Variants in DNAJB13 observed in about 807,000 individuals in gnomAD.
The protein encoded by DNAJB13 is DnaJ heat shock protein family (Hsp40) member B13.
DNAJB13 carries 22 observed loss-of-function variants against 35.6 expected under a neutral mutation model. The observed-to-expected ratio is 0.62, with a 90% CI of 0.44 to 0.88. The LOEUF (loss-of-function observed/expected upper bound fraction) is 0.88, where lower values mean the gene tolerates loss of function less well. DNAJB13 is among the 40% of genes least tolerant of loss of function. The pLI is 0.00. For missense variants in DNAJB13, 370 were observed against 384.3 expected, an observed-to-expected ratio of 0.96 and a Z score of 0.31; for synonymous variants, 136 against 144.2, an observed-to-expected ratio of 0.94 and a Z score of 0.41.
At chr11:73,955,133 A>G (rs953845158) in intron 1 of DNAJB13, among the ~76,000 whole-genome samples, 3 of 151,940 alleles carry the variant, frequency 2.0e-5, no homozygotes, top group African/African-American at 7.2e-5. Context: ...AGGAAGAAAA[A>G]CATCATGATA....
chr11:73,958,719 G>A (rs1950833401), intron 2 of DNAJB13, among the ~76,000 whole-genome samples: 1 of 152,180 alleles, frequency 6.6e-6, no homozygotes, highest in Admixed American at 6.5e-5. Context: ...ACCTTCCCCG[G>A]GAGAAACAGA....
chr11:73,967,625 G>C (rs1267886622), intron 5 of DNAJB13, among the ~76,000 whole-genome samples: 1 of 152,058 alleles, frequency 6.6e-6, no homozygotes, highest in Non-Finnish European at 1.5e-5. Context: ...TGTGCCTGTG[G>C]TCCCAGATAC....
chr11:73,968,822 C>T (rs1056149714), intron 6 of DNAJB13, among the ~76,000 whole-genome samples: 7 of 152,158 alleles, frequency 4.6e-5, no homozygotes, highest in African/African-American at 1.7e-4. Flanking sequence ...CGCCCCTTCG[C>T]CGCATAGCAC....
intron 4 of DNAJB13, 40 bp downstream of exon 4, chr11:73,965,075 C>G: frequency 6.5e-7 from 1 of 1,527,060 alleles, no homozygotes; most frequent in Non-Finnish European, 8.8e-7. Context: ...CCACCTATCT[C>G]CTGCAGCCTA....
At position 73,965,779 on chromosome 11, in the gene DNAJB13, G is replaced by A. The variant is rs146378621; in HGVS notation, c.493-359G>A. On this transcript the variant is annotated intron_variant, in intron 4 of 7. Transcript: ENST00000339764. ...TCTGGGATTTGGAGAGAGGAATGGAGTACATTTTCACCATGTATCTGTTAG... is the reference window on the plus strand; with the variant it reads ...TCTGGGATTTGGAGAGAGGAATGGAATACATTTTCACCATGTATCTGTTAG... 3.0e-4 allele frequency: 65 copies of A among 216,522 alleles called. 1 individual carries two copies. In the East Asian group the frequency reaches 7.0e-3, roughly 23 times the overall value. 13.4% of individuals were successfully genotyped at this position (216,522 alleles called of 1,614,324 possible). A position where few individuals can be genotyped will look rare whatever the true frequency, so the allele number is the denominator to read the frequency against.
chr11:73,953,177 G>T (rs1950628280), intron 1 of DNAJB13, among the ~76,000 whole-genome samples: 1 of 152,162 alleles, frequency 6.6e-6, no homozygotes, highest in Non-Finnish European at 1.5e-5. Context: ...ATTGAGCTAT[G>T]ATTGCACCAC....
rs756043336 is a variant in DNAJB13, at chr11:73,959,617, T to A, written c.296T>A (p.Val99Glu). 5.5e-5 allele frequency: 89 copies of A among 1,614,058 alleles called. No homozygotes were observed. The highest frequency in any genetic ancestry group is 4.9e-4 in the South Asian group (45 of 91,074). ...GYVFHGKPEK[V>E]FHEFFGGNNP... ...GTCTTCCATGGCAAACCTGAAAAGGTGTTCCACGAGTTCTTTGGTGGAAAC... is the reference window on the plus strand; with the variant it reads ...GTCTTCCATGGCAAACCTGAAAAGGAGTTCCACGAGTTCTTTGGTGGAAAC... The change falls in exon 3 of 8, where the codon GTG becomes GAG. Residue 99 changes from valine (V) to glutamate (E), a missense_variant. Coordinates refer to ENST00000339764, the MANE Select transcript of DNAJB13 (RefSeq NM_153614.4).
chr11:73,963,761 C>T (rs1348032114), intron 3 of DNAJB13: 1 of 152,224 alleles, frequency 6.6e-6, no homozygotes, highest in African/African-American at 2.4e-5. Context: ...TGCCTAAGGT[C>T]ATTTCACCAT....
intron 5 of DNAJB13, 36 bp downstream of exon 5, chr11:73,966,287 G>A: frequency 1.3e-6 from 2 of 1,580,966 alleles, no homozygotes; most frequent in South Asian, 2.3e-5. Context: ...GTCAGTCACT[G>A]AGCTCAGGCG....
rs1951232537 is a variant in DNAJB13, at chr11:73,969,905, T to A, written c.798-56T>A. ...GAGTAGGGGTTATATGACAGGGACC[T>A]GCTGAGGTGCTGCTCTGGGATGCCC... On this transcript the variant is annotated intron_variant, in intron 7 of 7. Transcript: ENST00000339764. 4 of 1,552,658 alleles carry A rather than the reference T, an allele frequency of 2.6e-6. No homozygotes were observed. The East Asian group carries it at 6.8e-5, about 26-fold the overall frequency.
At position 73,964,765 on chromosome 11, in the gene DNAJB13, C is replaced by CTGTG. The variant is rs3222042; in HGVS notation, c.335-68_335-65dup. On this transcript the variant is annotated intron_variant, in intron 3 of 7. Coordinates refer to ENST00000339764, the MANE Select transcript of DNAJB13 (RefSeq NM_153614.4). ...TGGGGAGCATATCTGGATAGGGAGG[C>CTGTG]TGTGTGTGTGTGTGTGTGTGTGTGT... The CTGTG allele has an allele frequency of 6.6e-3, 4,366 of 657,986 alleles. 14 individuals carry two copies. The highest frequency in any genetic ancestry group is 0.017 in the East Asian group (476 of 28,824). 40.8% of individuals were successfully genotyped at this position (657,986 alleles called of 1,614,324 possible).
intron 4 of DNAJB13, 89 bp from the exon 5 acceptor site, chr11:73,966,049 A>C: frequency 8.3e-7 from 1 of 1,199,042 alleles, no homozygotes; most frequent in East Asian, 2.5e-5. Context: ...TGCAAAGGTC[A>C]CCTGAGTGTT....
At chr11:73,964,840 G>T (rs765854781) in intron 3 of DNAJB13, 38 bp from the exon 4 acceptor site, 27 of 1,525,114 alleles carry the variant, frequency 1.8e-5, no homozygotes, top group South Asian at 1.0e-4. Context: ...TGGGTCTCTG[G>T]ATACAATTTC....
At position 73,966,168 on chromosome 11, in the gene DNAJB13, ATC is replaced by A; in HGVS notation, c.524_525del (p.Ile175LysfsTer8). 3.1e-6 allele frequency: 5 copies of A among 1,613,752 alleles called. No homozygotes were observed. The highest frequency in any genetic ancestry group is 4.2e-6 in the Non-Finnish European group (5 of 1,179,952). ...GAACGAGGATGGGTACTCCTCCACCATCAAGGACAAGATCCTGACCATTGATG... is the reference window on the plus strand; with the variant it reads ...GAACGAGGATGGGTACTCCTCCACCAAAGGACAAGATCCTGACCATTGATG... Reference protein sequence around the residue: ...VLNEDGYSSTIKDKILTIDVK... With the variant: ...VLNEDGYSSTXKDKILTIDVK... On this transcript the variant is annotated frameshift_variant, in exon 5 of 8. Transcript: ENST00000339764. LOFTEE classifies it high-confidence loss of function.
chr11:73,968,403 G>T lies in DNAJB13; in HGVS notation c.665G>T (p.Arg222Leu), dbSNP rs746886994. Reference sequence around the variant, plus strand: ...ATCGTAAAGGAGAAGCTACACCCTCGCTTCCGCAGGGAGAATGACAACCTC... The same window carrying T: ...ATCGTAAAGGAGAAGCTACACCCTCTCTTCCGCAGGGAGAATGACAACCTC... ...IFIVKEKLHPRFRRENDNLFF... is the reference protein window; with the variant it reads ...IFIVKEKLHPLFRRENDNLFF... Residue 222 changes from arginine to leucine, a missense_variant, in exon 6 of 8, where the codon CGC (arginine) becomes CTC (leucine). By Grantham distance (102) the Arg-to-Leu change is moderately radical. Coordinates refer to ENST00000339764, the MANE Select transcript of DNAJB13 (RefSeq NM_153614.4). The T allele has an allele frequency of 6.2e-7, 1 of 1,614,096 alleles. No individual in the cohort carries two copies. Among genetic ancestry groups the T allele is most frequent in the Non-Finnish European group, 8.5e-7 (1 of 1,180,012 alleles).
In DNAJB13 at chr11:73,958,334, T is replaced by A; in HGVS notation, c.86T>A (p.Leu29His). Residue 29 changes from leucine to histidine, a missense_variant, in exon 2 of 8, where the codon CTT (leucine) becomes CAT (histidine). Leu to His is a moderately conservative substitution (Grantham distance 99). Transcript: ENST00000339764. The stretch of plus-strand genomic sequence containing the variant: ...TCTTCCAGGTACCGCAGACTCGCCC[T>A]TAAGCACCACCCGTTGAAGTCAAAT... ...QIKQAYRRLA[L>H]KHHPLKSNEP... 6.2e-7 allele frequency: 1 copy of A among 1,614,126 alleles called. No individual in the cohort carries two copies. The highest frequency in any genetic ancestry group is 8.5e-7 in the Non-Finnish European group (1 of 1,179,998).
Position 73,970,206 on chromosome 11 carries a change from C to A in DNAJB13, c.*92C>A. On this transcript the variant is annotated 3_prime_UTR_variant, in exon 8 of 8. Coordinates refer to ENST00000339764, the MANE Select transcript of DNAJB13 (RefSeq NM_153614.4). ...GCCTCAGGGTGTGCAGGGGAGCCTG[C>A]TGCACAGATATGATACAAGGGTGGG... The A allele has an allele frequency of 6.8e-7, 1 of 1,466,572 alleles. No individual in the cohort carries two copies. The highest frequency in any genetic ancestry group is 1.4e-5 in the South Asian group (1 of 70,270). The allele number at this position is 1,466,572 out of a possible 1,614,324, so 90.8% of individuals were successfully genotyped here.
intron 1 of DNAJB13, among the ~76,000 whole-genome samples, chr11:73,951,708 G>A (rs192020681): frequency 4.3e-4 from 66 of 152,272 alleles, no homozygotes; most frequent in Non-Finnish European, 7.4e-4. Flanking sequence ...GTGCAATGGC[G>A]TGATCTCGGC....
chr11:73,968,173 C>T, intron 5 of DNAJB13, 172 bp from the exon 6 acceptor site: 5 of 623,724 alleles, frequency 8.0e-6, no homozygotes, highest in Non-Finnish European at 8.7e-6. Flanking sequence ...GTAAGCTTCT[C>T]GGGCTTCTAA....
Sources: gnomAD v4.1 joint callset for allele counts (sites outside exome capture counted in the v4.1 genomes callset) on GRCh38, gnomAD v4.1.1 for gene constraint, MANE v1.5 for transcripts, NCBI Gene and HGNC (gene_info 2026-07-23, HGNC 2026-07-21) for gene names.